Variants in CHIA observed in about 807,000 individuals in gnomAD.
CHIA encodes chitinase acidic.
A neutral mutation model predicts 53.5 loss-of-function variants in CHIA; 47 were observed. The observed-to-expected ratio is 0.88, with a 90% confidence interval of 0.70 to 1.12. The LOEUF is 1.12. Among genes scored for constraint, CHIA ranks in the 50% most tolerant of loss-of-function variants. CHIA has a pLI of 0.00. For synonymous variants in CHIA, 268 were observed against 222.2 expected, an observed-to-expected ratio of 1.21 and a Z score of -1.83; for missense variants, 652 against 592.2, an observed-to-expected ratio of 1.10 and a Z score of -1.05.
intron 1 of CHIA, 78 bp from the exon 2 acceptor site, chr1:111,310,322 G>T: frequency 2.0e-6 from 3 of 1,475,686 alleles, no homozygotes; most frequent in Non-Finnish European, 2.7e-6. Context: ...GGTCTTGGGA[G>T]GGTGTTTGTA....
At chr1:111,310,603 C>T in intron 2 of CHIA, 111 bp downstream of exon 2, 1 of 1,539,142 alleles carries the variant, frequency 6.5e-7, no homozygotes, top group Admixed American at 2.1e-5. Flanking sequence ...CTTTTCCATT[C>T]TTCTTTCATC....
At position 111,319,173 on chromosome 1, in the gene CHIA, A is replaced by G; in HGVS notation, c.969A>G (p.Glu323=). 1 of 1,614,190 alleles carries G rather than the reference A, an allele frequency of 6.2e-7. No homozygotes were observed. Among genetic ancestry groups the G allele is most frequent in the Non-Finnish European group, 8.5e-7 (1 of 1,180,022 alleles). The change falls in exon 10 of 12, where the codon GAA becomes GAG. Residue 323 remains glutamate (E), a synonymous_variant. Coordinates refer to ENST00000369740, the MANE Select transcript of CHIA (RefSeq NM_201653.4). The stretch of plus-strand genomic sequence containing the variant: ...CTCAGGGATGGGATGCCCCTCAGGA[A>G]GTGCCTTATGCCTATCAGGGCAATG... ...GATQGWDAPQ[E]VPYAYQGNVW...
chr1:111,297,912 A>C (rs1443882837), intron 1 of CHIA, among the ~76,000 whole-genome samples: 1 of 148,408 alleles, frequency 6.7e-6, no homozygotes, highest in Non-Finnish European at 1.5e-5. Flanking sequence ...AAAAAAAAAA[A>C]AAAAAAAAAA....
At chr1:111,293,809 G>A (rs1447257031) in intron 1 of CHIA, among the ~76,000 whole-genome samples, 1 of 152,208 alleles carries the variant, frequency 6.6e-6, no homozygotes, top group Non-Finnish European at 1.5e-5. Flanking sequence ...GCCAGATGTG[G>A]TGGCTCATGC....
chr1:111,315,063 G>C (rs2820073), intron 5 of CHIA: 137,084 of 519,778 alleles, frequency 0.26, 22,139 homozygotes, highest in African/African-American at 0.59. Context: ...CAGAGTTGGG[G>C]GGATAACAGA....
In CHIA at chr1:111,319,224, G is replaced by A. The variant is rs962596727; in HGVS notation, c.1020G>A (p.Lys340=). The change falls in exon 10 of 12, where the codon AAG becomes AAA. Residue 340 remains lysine (K), a synonymous_variant. Coordinates refer to ENST00000369740, the MANE Select transcript of CHIA (RefSeq NM_201653.4). ...TGTGGGTTGGCTATGACAACATCAAGAGCTTCGATATTAAGGTAAGATCAG... is the reference window on the plus strand; with the variant it reads ...TGTGGGTTGGCTATGACAACATCAAAAGCTTCGATATTAAGGTAAGATCAG... The part of the protein sequence containing the change: ...GNVWVGYDNI[K]SFDIKAQWLK... 2.5e-6 allele frequency: 4 copies of A among 1,614,218 alleles called. No individual in the cohort carries two copies. Among genetic ancestry groups the A allele is most frequent in the African/African-American group, 1.3e-5 (1 of 75,062 alleles).
intron 1 of CHIA, among the ~76,000 whole-genome samples, chr1:111,298,615 A>C (rs1049133958): frequency 6.6e-6 from 1 of 152,214 alleles, no homozygotes; most frequent in Non-Finnish European, 1.5e-5. Flanking sequence ...TATAGCACTA[A>C]ATGCCCACAA....
chr1:111,299,172 G>A (rs1647488399), intron 1 of CHIA, among the ~76,000 whole-genome samples: 1 of 152,068 alleles, frequency 6.6e-6, no homozygotes, highest in African/African-American at 2.4e-5. Flanking sequence ...AAGAGTAGCT[G>A]GTACCATTCC....
At chr1:111,313,807 G>A (rs765766743) in intron 4 of CHIA, among the ~76,000 whole-genome samples, 1 of 152,046 alleles carries the variant, frequency 6.6e-6, no homozygotes, top group South Asian at 2.1e-4. Flanking sequence ...ATTCTGAGTT[G>A]ACTTTGTTCA....
At chr1:111,297,747 G>T (rs886785494) in intron 1 of CHIA, among the ~76,000 whole-genome samples, 48 of 151,870 alleles carry the variant, frequency 3.2e-4, no homozygotes, top group African/African-American at 1.1e-3. Flanking sequence ...ATGTAAATGG[G>T]CTAACTGCCC....
At chr1:111,318,802 A>G (rs1481044911) in intron 9 of CHIA, 124 bp downstream of exon 9, 1 of 1,088,814 alleles carries the variant, frequency 9.2e-7, no homozygotes, top group African/African-American at 1.6e-5. Flanking sequence ...CAGCTGCTTA[A>G]AGTGTTTAAA....
intron 8 of CHIA, 92 bp from the exon 9 acceptor site, chr1:111,318,401 T>C (rs747516188): frequency 1.5e-4 from 171 of 1,117,042 alleles, no homozygotes; most frequent in Admixed American, 4.4e-4. Context: ...ATTAACAGCA[T>C]AGAGTTTTAC....
At chr1:111,312,964 G>C (rs1648811013) in intron 4 of CHIA, among the ~76,000 whole-genome samples, 1 of 152,116 alleles carries the variant, frequency 6.6e-6, no homozygotes, top group Admixed American at 6.5e-5. Context: ...TATCCATATT[G>C]CTGCAAATGA....
At chr1:111,306,559 T>C (rs1235201452) in intron 1 of CHIA, among the ~76,000 whole-genome samples, 2 of 152,098 alleles carry the variant, frequency 1.3e-5, no homozygotes, top group South Asian at 2.1e-4. Context: ...TCAAATAAGA[T>C]TCCAAAAAAT....
chr1:111,303,188 T>C (rs951677997), intron 1 of CHIA, among the ~76,000 whole-genome samples: 1 of 152,144 alleles, frequency 6.6e-6, no homozygotes, highest in African/African-American at 2.4e-5. Flanking sequence ...GGTTGGATCA[T>C]GTGTTTTAAT....
In CHIA at chr1:111,319,226, G is replaced by A; in HGVS notation, c.1022G>A (p.Ser341Asn). 1 of 1,614,208 alleles carries A rather than the reference G, an allele frequency of 6.2e-7. No homozygotes were observed. Among genetic ancestry groups the A allele is most frequent in the Non-Finnish European group, 8.5e-7 (1 of 1,180,038 alleles). The change falls in exon 10 of 12, where the codon AGC (serine) becomes AAC (asparagine). Residue 341 changes from serine to asparagine, a missense_variant. By Grantham distance (46) the Ser-to-Asn change is conservative. Coordinates refer to ENST00000369740, the MANE Select transcript of CHIA (RefSeq NM_201653.4). ...NVWVGYDNIK[S>N]FDIKAQWLKH... ...TGGGTTGGCTATGACAACATCAAGA[G>A]CTTCGATATTAAGGTAAGATCAGTC... is the stretch of plus-strand genomic sequence containing the variant.
intron 11 of CHIA, 90 bp downstream of exon 11, chr1:111,319,558 C>A: frequency 1.6e-6 from 2 of 1,258,286 alleles, no homozygotes; most frequent in Non-Finnish European, 2.3e-6. Context: ...TCCCCCTTGC[C>A]CAGGGATCCT....
intron 1 of CHIA, 30 bp from the exon 2 acceptor site, chr1:111,310,370 C>T (rs1648563989): frequency 1.3e-6 from 2 of 1,592,866 alleles, no homozygotes; most frequent in Admixed American, 1.8e-5. Flanking sequence ...TAACTACATA[C>T]ACATCTGGGT....
At chr1:111,303,347 T>G (rs1050451034) in intron 1 of CHIA, among the ~76,000 whole-genome samples, 1 of 152,152 alleles carries the variant, frequency 6.6e-6, no homozygotes, top group South Asian at 2.1e-4. Flanking sequence ...CTGGCATTAT[T>G]GTCTTTCTTT....
Sources: gnomAD v4.1 joint callset for allele counts (sites outside exome capture counted in the v4.1 genomes callset) on GRCh38, gnomAD v4.1.1 for gene constraint, MANE v1.5 for transcripts, NCBI Gene and HGNC (gene_info 2026-07-23, HGNC 2026-07-21) for gene names.